KIAA1549L: variants seen among roughly 807,000 people sequenced by gnomAD.
KIAA1549L encodes the protein KIAA1549 like, also known as UPF0606 protein KIAA1549L.
In KIAA1549L, 88 loss-of-function variants were observed where a neutral mutation model predicts 160.7. The ratio of observed to expected loss-of-function variants is 0.55; its 90% CI spans 0.46 to 0.65. The LOEUF (loss-of-function observed/expected upper bound fraction) is 0.65. Ranked by LOEUF, KIAA1549L falls within the 30% of genes least tolerant of loss-of-function variation. The pLI, the probability that KIAA1549L is intolerant of heterozygous loss-of-function variation, is 0.00. For synonymous variants in KIAA1549L, 950 were observed against 976.7 expected, an observed-to-expected ratio of 0.97 and a Z score of 0.51; for missense variants, 2,258 against 2,437.5, an observed-to-expected ratio of 0.93 and a Z score of 1.55.
intron 1 of KIAA1549L, among the ~76,000 whole-genome samples, chr11:33,435,790 A>ATGTGTGTGTG (rs1210337486): frequency 3.8e-5 from 1 of 26,102 alleles, no homozygotes; most frequent in Non-Finnish European, 7.4e-5. Context: ...ATATATATAT[A>ATGTGTGTGTG]TATATATATA....
intron 9 of KIAA1549L, among the ~76,000 whole-genome samples, chr11:33,569,129 T>A (rs1367879553): frequency 6.6e-6 from 1 of 152,182 alleles, no homozygotes; most frequent in Non-Finnish European, 1.5e-5. Context: ...TCAGCTCTTC[T>A]CAGGGTCTAC....
At chr11:33,631,369 C>A (rs955430325) in intron 16 of KIAA1549L, among the ~76,000 whole-genome samples, 1 of 152,234 alleles carries the variant, frequency 6.6e-6, no homozygotes, top group African/African-American at 2.4e-5. Flanking sequence ...TTTTTGCATG[C>A]ATGCATCACT....
intron 1 of KIAA1549L, among the ~76,000 whole-genome samples, chr11:33,392,698 T>G (rs2134050302): frequency 6.6e-6 from 1 of 152,240 alleles, no homozygotes; most frequent in Non-Finnish European, 1.5e-5. Context: ...GTTTAGTTTT[T>G]ATATCACGCA....
intron 1 of KIAA1549L, among the ~76,000 whole-genome samples, chr11:33,382,454 A>G (rs1335112184): frequency 6.6e-6 from 1 of 152,150 alleles, no homozygotes; most frequent in Non-Finnish European, 1.5e-5. Context: ...AAGGAAAAAG[A>G]GGCATTGGAG....
chr11:33,457,347 G>A (rs1482078973), intron 1 of KIAA1549L, among the ~76,000 whole-genome samples: 1 of 152,184 alleles, frequency 6.6e-6, no homozygotes, highest in African/African-American at 2.4e-5. Flanking sequence ...AAAGATAGGA[G>A]AAGTTCTGGC....
At chr11:33,648,143 T>A (rs1262080708) in intron 17 of KIAA1549L, among the ~76,000 whole-genome samples, 2 of 151,094 alleles carry the variant, frequency 1.3e-5, no homozygotes, top group African/African-American at 4.9e-5. Context: ...TACAGGCGCA[T>A]ACCACCACAC....
At chr11:33,643,216 G>A (rs1290807483) in intron 16 of KIAA1549L, among the ~76,000 whole-genome samples, 1 of 152,048 alleles carries the variant, frequency 6.6e-6, no homozygotes, top group African/African-American at 2.4e-5. Flanking sequence ...TGGGAGCCTG[G>A]AGAAAAAGTC....
chr11:33,462,772 A>AT (rs71034691), intron 1 of KIAA1549L, among the ~76,000 whole-genome samples: 20,602 of 146,540 alleles, frequency 0.14, 1,884 homozygotes, highest in East Asian at 0.32. Context: ...TTAGCTGCAC[A>AT]TTTTTTTTTT....
chr11:33,553,250 G>C (rs574372100), intron 6 of KIAA1549L, among the ~76,000 whole-genome samples: 33 of 151,528 alleles, frequency 2.2e-4, no homozygotes, highest in Non-Finnish European at 2.8e-4. Flanking sequence ...TTCTCCCTTC[G>C]CGGCCTCCCG....
chr11:33,655,988 CTGT>C, intron 17 of KIAA1549L, 21 bp from the exon 18 acceptor site: 1 of 1,560,296 alleles, frequency 6.4e-7, no homozygotes. Context: ...ACAACTCTCC[CTGT>C]ATTGCTTGTC....
chr11:33,542,944 G>T lies in KIAA1549L; in HGVS notation c.1381G>T (p.Ala461Ser). 1 of 1,614,000 alleles carries T rather than the reference G, an allele frequency of 6.2e-7. No individual in the cohort carries two copies. The highest frequency in any genetic ancestry group is 8.5e-7 in the Non-Finnish European group (1 of 1,179,896). Residue 461 changes from alanine (A) to serine (S), a missense_variant, in exon 2 of 21, where the codon GCC (alanine) becomes TCC (serine). Physicochemically the swap from Ala to Ser is moderately conservative, Grantham distance 99. This residue lies in a region of KIAA1549L where 540 missense variants were observed against 465.7 expected (regional missense o/e 1.16). Coordinates refer to ENST00000658780, the MANE Select transcript of KIAA1549L (RefSeq NM_012194.3). The part of the protein sequence containing the change: ...SAAPENSRGP[A>S]LSAEHTSSLV... ...AGCTCCAGAGAATTCCAGAGGGCCC[G>T]CCCTTTCGGCAGAACACACCTCTTC...
chr11:33,667,706 A>AACTG (rs906098809), intron 20 of KIAA1549L, among the ~76,000 whole-genome samples, 167 bp from the exon 21 acceptor site: 3 of 152,066 alleles, frequency 2.0e-5, no homozygotes, highest in Admixed American at 2.0e-4. Flanking sequence ...TTTCTAAACA[A>AACTG]ACTGACTCTG....
intron 1 of KIAA1549L, among the ~76,000 whole-genome samples, chr11:33,422,908 C>T (rs1418024556): frequency 1.3e-5 from 2 of 152,048 alleles, no homozygotes; most frequent in Non-Finnish European, 2.9e-5. Flanking sequence ...TAGCCCCTAC[C>T]AATTGTATAG....
chr11:33,479,446 G>A (rs1450836231), intron 1 of KIAA1549L, among the ~76,000 whole-genome samples: 1 of 152,224 alleles, frequency 6.6e-6, no homozygotes, highest in Non-Finnish European at 1.5e-5. Flanking sequence ...AAAATGAATA[G>A]CCAACCAAAA....
At chr11:33,656,285 C>G (rs763011538) in intron 18 of KIAA1549L, among the ~76,000 whole-genome samples, 176 bp downstream of exon 18, 84 of 152,200 alleles carry the variant, frequency 5.5e-4, no homozygotes, top group Non-Finnish European at 1.6e-4. Flanking sequence ...ATGAACAGAT[C>G]ACGGTGCTTT....
At chr11:33,506,007 C>T (rs944161118) in intron 1 of KIAA1549L, among the ~76,000 whole-genome samples, 1 of 152,122 alleles carries the variant, frequency 6.6e-6, no homozygotes, top group Non-Finnish European at 1.5e-5. Context: ...TTGTCATTAT[C>T]CCCATTTTAC....
intron 1 of KIAA1549L, among the ~76,000 whole-genome samples, chr11:33,426,866 C>G (rs1364726606): frequency 6.6e-6 from 1 of 152,126 alleles, no homozygotes; most frequent in Non-Finnish European, 1.5e-5. Flanking sequence ...CCTCCATTAT[C>G]ATTTATATCT....
At chr11:33,426,259 A>C (rs929067203) in intron 1 of KIAA1549L, among the ~76,000 whole-genome samples, 2 of 152,156 alleles carry the variant, frequency 1.3e-5, no homozygotes, top group Non-Finnish European at 2.9e-5. Context: ...TGCTTTGGTA[A>C]TTTTCTATGA....
intron 4 of KIAA1549L, among the ~76,000 whole-genome samples, chr11:33,549,940 G>A (rs1854399905): frequency 6.6e-6 from 1 of 151,968 alleles, no homozygotes; most frequent in Admixed American, 6.6e-5. Context: ...AGGAGGTCAA[G>A]GCTGCAGTGA....
Sources: gnomAD v4.1 joint callset for allele counts (sites outside exome capture counted in the v4.1 genomes callset) on GRCh38, gnomAD v4.1.1 for gene constraint, gnomAD v4.1.1 regional missense constraint, MANE v1.5 for transcripts, NCBI Gene and HGNC (gene_info 2026-07-23, HGNC 2026-07-21) for gene names.